Variants in LAMA2 observed in about 807,000 individuals in gnomAD.
LAMA2 encodes laminin subunit alpha 2, also known as laminin subunit alpha-2.
Under a neutral mutation model 364.8 loss-of-function variants are expected in LAMA2, and 269 were observed. The ratio of observed to expected loss-of-function variants is 0.74; its 90% CI spans 0.67 to 0.82. LAMA2 has a LOEUF of 0.82. LAMA2 is among the 40% of genes least tolerant of loss of function. LAMA2 has a pLI of 0.00. For missense variants in LAMA2, 3,807 were observed against 3,873.2 expected, an observed-to-expected ratio of 0.98 and a Z score of 0.45; for synonymous variants, 1,379 against 1,370.6, an observed-to-expected ratio of 1.01 and a Z score of -0.14.
rs1786068621 is a variant in LAMA2 at position 129,250,162 on chromosome 6, A to G, written c.1833A>G (p.Glu611=). 4 of 1,609,904 alleles carry G rather than the reference A, an allele frequency of 2.5e-6. No individual in the cohort carries two copies. Among genetic ancestry groups the G allele is most frequent in the Non-Finnish European group, 1.7e-6 (2 of 1,176,448 alleles). The change falls in exon 13 of 65, where the codon GAA becomes GAG. Residue 611 remains glutamate (E), a synonymous_variant. Transcript: ENST00000421865. The stretch of plus-strand genomic sequence containing the variant: ...CATTTACCATATCATATGACCTTGA[A>G]GAAGAGGAAGAAGATACAGAACGTG... ...QLTFTISYDL[E]EEEEDTERVL...
At chr6:129,145,668 T>C (rs9492247) in intron 5 of LAMA2, among the ~76,000 whole-genome samples, 35,444 of 151,844 alleles carry the variant, frequency 0.23, 4,478 homozygotes, top group African/African-American at 0.34. Context: ...TTTATAACTT[T>C]ATCGTACATG....
intron 3 of LAMA2, among the ~76,000 whole-genome samples, chr6:129,092,418 C>T (rs746372228): frequency 6.6e-6 from 1 of 152,088 alleles, no homozygotes; most frequent in Non-Finnish European, 1.5e-5. Flanking sequence ...TATTGTATAA[C>T]TCTCATCACT....
In LAMA2 at chr6:129,313,114, T is replaced by G. The variant is rs761375511; in HGVS notation, c.3411+17T>G. 19 of 1,499,728 alleles carry G rather than the reference T, an allele frequency of 1.3e-5. No homozygotes were observed. The highest frequency in any genetic ancestry group is 1.7e-4 in the Middle Eastern group (1 of 5,732). 92.9% of individuals were successfully genotyped at this position (1,499,728 alleles called of 1,614,324 possible). A position where few individuals can be genotyped will look rare whatever the true frequency, so the allele number is the denominator to read the frequency against. On this transcript the variant is annotated intron_variant, in intron 23 of 64. Transcript: ENST00000421865. ...ACTTGTAAGGTATGTGCTGCTGACATGCAGCTAGGGAAAACCTCCCTCAAT... is the reference window on the plus strand; with the variant it reads ...ACTTGTAAGGTATGTGCTGCTGACAGGCAGCTAGGGAAAACCTCCCTCAAT...
intron 32 of LAMA2, among the ~76,000 whole-genome samples, chr6:129,358,606 T>A (rs1467886195): frequency 6.6e-6 from 1 of 152,066 alleles, no homozygotes; most frequent in Non-Finnish European, 1.5e-5. Context: ...ATGAAGTGGC[T>A]ACAGAAGGTT....
At chr6:129,047,136 C>T (rs1787573570) in intron 1 of LAMA2, among the ~76,000 whole-genome samples, 1 of 151,854 alleles carries the variant, frequency 6.6e-6, no homozygotes, top group South Asian at 2.1e-4. Context: ...TGTAACCTGA[C>T]AAACGTCACA....
At chr6:129,304,118 A>C (rs1425872544) in intron 22 of LAMA2, among the ~76,000 whole-genome samples, 1 of 152,222 alleles carries the variant, frequency 6.6e-6, no homozygotes. Flanking sequence ...GGGGGACATC[A>C]CTATAGATCC....
rs1179442394 is a variant in LAMA2, at chr6:129,512,364, T to TG, written c.8861dup (p.Gly2955TrpfsTer13). 6.2e-7 allele frequency: 1 copy of TG among 1,613,470 alleles called. No individual in the cohort carries two copies. The highest frequency in any genetic ancestry group is 1.7e-5 in the Admixed American group (1 of 59,984). On this transcript the variant is annotated frameshift_variant and splice_region_variant, in exon 63 of 65. Transcript: ENST00000421865. LOFTEE classifies it high-confidence loss of function. ...TATTTTAAAATCTTCATTTTACAGT[T>TG]GGTGGATTCAAAGTGGGATTGGACC...
At chr6:129,246,266 T>C (rs1275354681) in intron 12 of LAMA2, among the ~76,000 whole-genome samples, 1 of 152,192 alleles carries the variant, frequency 6.6e-6, no homozygotes, top group Non-Finnish European at 1.5e-5. Flanking sequence ...TGAAAACCTT[T>C]CTTAATAAAG....
At chr6:129,264,388 G>A (rs374930676) in intron 15 of LAMA2, among the ~76,000 whole-genome samples, 1 of 151,944 alleles carries the variant, frequency 6.6e-6, no homozygotes, top group Non-Finnish European at 1.5e-5. Flanking sequence ...GTGTGTGTGG[G>A]GGGGTGGGGG....
chr6:129,258,306 G>A (rs1177473950), intron 14 of LAMA2, among the ~76,000 whole-genome samples: 2 of 152,042 alleles, frequency 1.3e-5, no homozygotes, highest in Non-Finnish European at 2.9e-5. Flanking sequence ...AATATGAATA[G>A]CAATATTATT....
At position 129,149,046 on chromosome 6, in the gene LAMA2, A is replaced by G. The variant is rs750695625; in HGVS notation, c.977A>G (p.His326Arg). The G allele has an allele frequency of 5.6e-6, 9 of 1,613,188 alleles. No individual in the cohort carries two copies. The highest frequency in any genetic ancestry group is 1.3e-5 in the African/African-American group (1 of 74,888). ...DSCDQCCPGF[H>R]QKPWRAGTFL... ...TGTGATCAGTGCTGTCCAGGATTCCATCAGAAACCCTGGAGAGCTGGAACT... is the reference window on the plus strand; with the variant it reads ...TGTGATCAGTGCTGTCCAGGATTCCGTCAGAAACCCTGGAGAGCTGGAACT... Residue 326 changes from histidine (H) to arginine (R), a missense_variant, in exon 7 of 65, where the codon CAT (histidine) becomes CGT (arginine). This residue lies in a region of LAMA2 where 80 missense variants were observed against 124.0 expected (regional missense o/e 0.65). Coordinates refer to ENST00000421865, the MANE Select transcript of LAMA2 (RefSeq NM_000426.4).
intron 60 of LAMA2, 71 bp from the exon 61 acceptor site, chr6:129,505,129 C>A: frequency 7.4e-7 from 1 of 1,344,468 alleles, no homozygotes; most frequent in East Asian, 2.3e-5. Context: ...CGTTAGAGTC[C>A]TTATGTCTTA....
At position 128,923,184 on chromosome 6, in the gene LAMA2, C is replaced by T. The variant is rs867873210; in HGVS notation, c.112+39827C>T. ...TTCTTTTGGCTTAGGATTGACTTGG[C>T]GATGCGGGCTCTTTTTTGGTTCCAT... On this transcript the variant is annotated intron_variant, in intron 1 of 64. Transcript: ENST00000421865. Among the ~76,000 whole-genome samples, 440 of 147,518 alleles carry T rather than the reference C, an allele frequency of 3.0e-3. 6 individuals carry two copies. Among genetic ancestry groups the T allele is most frequent in the Admixed American group, 0.015 (215 of 14,630 alleles).
chr6:128,909,154 G>T (rs1198183537), intron 1 of LAMA2, among the ~76,000 whole-genome samples: 1 of 151,702 alleles, frequency 6.6e-6, no homozygotes, highest in Non-Finnish European at 1.5e-5. Flanking sequence ...TATCAGGTCC[G>T]CTTGGTGCAG....
intron 2 of LAMA2, 89 bp from the exon 3 acceptor site, chr6:129,059,694 TA>T: frequency 1.3e-6 from 1 of 773,976 alleles, no homozygotes; most frequent in Non-Finnish European, 2.3e-6. Context: ...ATGGTTGTTT[TA>T]ACCATTTTTT....
chr6:129,227,723 T>C (rs894468249), intron 12 of LAMA2, among the ~76,000 whole-genome samples: 2 of 152,190 alleles, frequency 1.3e-5, no homozygotes, highest in Admixed American at 6.5e-5. Context: ...CCGTGTGGGA[T>C]GTCAGTCTGC....
At chr6:129,417,308 G>A (rs1780847058) in intron 40 of LAMA2, among the ~76,000 whole-genome samples, 2 of 152,114 alleles carry the variant, frequency 1.3e-5, no homozygotes, top group African/African-American at 4.8e-5. Flanking sequence ...CCGTTCCACA[G>A]GCAGGTAATT....
chr6:129,237,371 C>T (rs762807086), intron 12 of LAMA2, among the ~76,000 whole-genome samples: 56 of 152,192 alleles, frequency 3.7e-4, no homozygotes, highest in Non-Finnish European at 6.8e-4. Context: ...GAGTCTTGCT[C>T]TATCACCCAG....
chr6:129,053,873 C>T (rs955749878), intron 2 of LAMA2, among the ~76,000 whole-genome samples: 8 of 152,056 alleles, frequency 5.3e-5, no homozygotes, highest in Non-Finnish European at 8.8e-5. Context: ...TGTGGAGTTG[C>T]AAAGGTTTTC....
Sources: allele counts gnomAD v4.1 joint callset (sites outside exome capture counted in the v4.1 genomes callset), GRCh38; gene constraint gnomAD v4.1.1; regional missense constraint gnomAD v4.1.1; transcripts MANE v1.5; gene names NCBI Gene and HGNC (gene_info 2026-07-23, HGNC 2026-07-21).